HAPLN3: variants seen among roughly 807,000 people sequenced by gnomAD.
The protein encoded by HAPLN3 is extracellular link domain containing, 1.
A neutral mutation model predicts 28.1 loss-of-function variants in HAPLN3; 28 were observed. That is an observed-to-expected ratio of 1.00 (90% confidence interval 0.74 to 1.37). HAPLN3 has a LOEUF of 1.37. HAPLN3 is among the 40% of genes most tolerant of loss of function. The pLI is 0.00. For synonymous variants in HAPLN3, 211 were observed against 213.1 expected, an observed-to-expected ratio of 0.99 and a Z score of 0.09; for missense variants, 513 against 504.6, an observed-to-expected ratio of 1.02 and a Z score of -0.16.
Position 88,880,674 on chromosome 15 carries a change from C to A in HAPLN3, c.493+683G>T, listed in dbSNP as rs969534985. 1 of 1,157,386 alleles carries A rather than the reference C, an allele frequency of 8.6e-7. No individual in the cohort carries two copies. The highest frequency in any genetic ancestry group is 1.1e-6 in the Non-Finnish European group (1 of 872,884). 71.7% of individuals were successfully genotyped at this position (1,157,386 alleles called of 1,614,324 possible). ...CAGGGACCCCACATACAAGATCCGG[C>A]TTGCAGGGTGTGGCTGGTTTGGACA... On this transcript the variant is annotated intron_variant, in intron 3 of 4. Coordinates refer to ENST00000359595, the MANE Select transcript of HAPLN3 (RefSeq NM_178232.4). This position sits in a 1 kb window ranked among gnomAD's most constrained non-coding sequence, Gnocchi z 6.0.
intron 4 of HAPLN3, 109 bp from the exon 5 acceptor site, chr15:88,878,365 C>T (rs1897594886): frequency 2.0e-6 from 2 of 1,020,364 alleles, no homozygotes; most frequent in Admixed American, 4.5e-5. Flanking sequence ...CAGGGAGCTA[C>T]CATACTGCAG....
chr15:88,882,546 A>G (rs1391935749), intron 2 of HAPLN3, among the ~76,000 whole-genome samples: 1 of 152,220 alleles, frequency 6.6e-6, no homozygotes, highest in Non-Finnish European at 1.5e-5. Context: ...AAAGGAGACT[A>G]CGCTCACGGC....
At chr15:88,883,869 C>A (rs977317642) in intron 2 of HAPLN3, among the ~76,000 whole-genome samples, 2 of 151,330 alleles carry the variant, frequency 1.3e-5, no homozygotes, top group Non-Finnish European at 1.5e-5. Context: ...CTTGAGGCCA[C>A]GAGTTCGAGA....
Position 88,880,463 on chromosome 15 carries a change from C to T in HAPLN3, c.493+894G>A, listed in dbSNP as rs1596165240. The T allele has an allele frequency of 1.5e-5, 19 of 1,228,686 alleles. No individual in the cohort carries two copies. The South Asian group carries it at 2.2e-4, about 14-fold the overall frequency. The allele number at this position is 1,228,686 out of a possible 1,614,324, so 76.1% of individuals were successfully genotyped here. A position where few individuals can be genotyped will look rare whatever the true frequency, so the allele number is the denominator to read the frequency against. ...AAAGATTGTGATACCCCATTTTACA[C>T]CTGAGAGGCCCAGGGCTCTAAGGGG... is the stretch of plus-strand genomic sequence containing the variant. On this transcript the variant is annotated intron_variant, in intron 3 of 4. Transcript: ENST00000359595. The surrounding 1 kb of genome is among the most constrained non-coding windows in gnomAD (Gnocchi z 6.0).
chr15:88,892,458 A>C (rs1157027075), intron 1 of HAPLN3, among the ~76,000 whole-genome samples: 1 of 150,766 alleles, frequency 6.6e-6, no homozygotes, highest in East Asian at 1.9e-4. Flanking sequence ...CTGCATCTCA[A>C]AAAAAAAAGA....
chr15:88,886,265 C>A (rs1281067365), intron 2 of HAPLN3, among the ~76,000 whole-genome samples: 1 of 150,300 alleles, frequency 6.7e-6, no homozygotes, highest in African/African-American at 2.5e-5. Context: ...GCAGGAGAAT[C>A]GCTTGAACCT....
At chr15:88,882,492 T>G (rs1390274327) in intron 2 of HAPLN3, among the ~76,000 whole-genome samples, 1 of 152,174 alleles carries the variant, frequency 6.6e-6, no homozygotes, top group Non-Finnish European at 1.5e-5. Context: ...ACCATAACTC[T>G]TCCCAAATAC....
At position 88,879,726 on chromosome 15, in the gene HAPLN3, T is replaced by C. The variant is rs1897645376; in HGVS notation, c.494-457A>G. On this transcript the variant is annotated intron_variant, in intron 3 of 4. Transcript: ENST00000359595. The surrounding 1 kb of genome is among the most constrained non-coding windows in gnomAD (Gnocchi z 5.0). ...CAAGGAACTTTCCACGTGTGGCAGATGATTTTCAGGAGAAGGAGAGGCCCT... is the reference window on the plus strand; with the variant it reads ...CAAGGAACTTTCCACGTGTGGCAGACGATTTTCAGGAGAAGGAGAGGCCCT... The C allele has an allele frequency of 1.0e-5, 12 of 1,175,514 alleles. No individual in the cohort carries two copies. The Admixed American group carries it at 1.1e-4, about 11-fold the overall frequency. The allele number at this position is 1,175,514 out of a possible 1,614,324, so 72.8% of individuals were successfully genotyped here. A position where few individuals can be genotyped will look rare whatever the true frequency, so the allele number is the denominator to read the frequency against.
Position 88,881,117 on chromosome 15 carries a change from T to TG in HAPLN3, c.493+239dup. The TG allele has an allele frequency of 1.8e-6, 1 of 554,432 alleles. No individual in the cohort carries two copies. The highest frequency in any genetic ancestry group is 3.2e-6 in the Non-Finnish European group (1 of 316,890). The allele number at this position is 554,432 out of a possible 1,614,324, so 34.3% of individuals were successfully genotyped here. A position where few individuals can be genotyped will look rare whatever the true frequency, so the allele number is the denominator to read the frequency against. Reference sequence around the variant, plus strand: ...GAACAGATTCTAGAGGCTGGGTGCTTGGGTTCAGACCCCAGCTCTGTCGTT... The same window carrying TG: ...GAACAGATTCTAGAGGCTGGGTGCTTGGGGTTCAGACCCCAGCTCTGTCGTT... On this transcript the variant is annotated intron_variant, in intron 3 of 4. Coordinates refer to ENST00000359595, the MANE Select transcript of HAPLN3 (RefSeq NM_178232.4). This position sits in a 1 kb window ranked among gnomAD's most constrained non-coding sequence, Gnocchi z 6.0.
chr15:88,878,258 TG>T lies in HAPLN3; in HGVS notation c.797-3del. 1 of 1,608,972 alleles carries T rather than the reference TG, an allele frequency of 6.2e-7. No homozygotes were observed. Among genetic ancestry groups the T allele is most frequent in the South Asian group, 1.1e-5 (1 of 90,298 alleles). Reference sequence around the variant, plus strand: ...GGTGCTCCAGGTAGTACACCCGCCCTGGGGGAAAGGGGGCGTGAGTGCCGTA... The same window carrying T: ...GGTGCTCCAGGTAGTACACCCGCCCTGGGGAAAGGGGGCGTGAGTGCCGTA... On this transcript the variant is annotated splice_region_variant and splice_polypyrimidine_tract_variant and intron_variant, in intron 4 of 4. Transcript: ENST00000359595.
chr15:88,881,414 A>G lies in HAPLN3; in HGVS notation c.436T>C (p.Cys146Arg). The part of the protein sequence containing the change: ...LRLEDYGRYR[C>R]EVIDGLEDES... ...TCCTCCAGCCCGTCAATGACCTCAC[A>G]GCGGTAACGCCCATAGTCCTCCAGC... Residue 146 changes from cysteine to arginine, a missense_variant, in exon 3 of 5, where the codon TGT (cysteine) becomes CGT (arginine). Transcript: ENST00000359595. This position sits in a 1 kb window ranked among gnomAD's most constrained non-coding sequence, Gnocchi z 6.0. The G allele has an allele frequency of 1.2e-6, 2 of 1,613,868 alleles. No individual in the cohort carries two copies. Among genetic ancestry groups the G allele is most frequent in the Non-Finnish European group, 1.7e-6 (2 of 1,180,004 alleles).
chr15:88,892,997 A>G (rs1440833080), intron 1 of HAPLN3: 1 of 1,535,138 alleles, frequency 6.5e-7, no homozygotes, highest in Non-Finnish European at 8.7e-7. Context: ...AGTTCCCCAA[A>G]TCTTCTGGAG....
Position 88,879,499 on chromosome 15 carries a change from A to T in HAPLN3, c.494-230T>A. ...AAAACATCCATGAGTTAAGGTAATT[A>T]ATTAGTCCATTAATGTCCCCAACAA... On this transcript the variant is annotated intron_variant, in intron 3 of 4. Coordinates refer to ENST00000359595, the MANE Select transcript of HAPLN3 (RefSeq NM_178232.4). The surrounding 1 kb of genome is among the most constrained non-coding windows in gnomAD (Gnocchi z 5.0). 2 of 1,518,378 alleles carry T rather than the reference A, an allele frequency of 1.3e-6. No homozygotes were observed. Among genetic ancestry groups the T allele is most frequent in the African/African-American group, 1.4e-5 (1 of 72,840 alleles). The allele number at this position is 1,518,378 out of a possible 1,614,324, so 94.1% of individuals were successfully genotyped here.
At chr15:88,894,075 G>A (rs1898091631) in intron 1 of HAPLN3, among the ~76,000 whole-genome samples, 1 of 152,022 alleles carries the variant, frequency 6.6e-6, no homozygotes, top group Non-Finnish European at 1.5e-5. Flanking sequence ...GGGAAAATAT[G>A]ACCTGTTACT....
chr15:88,881,203 G>C lies in HAPLN3; in HGVS notation c.493+154C>G. The C allele has an allele frequency of 2.0e-6, 2 of 999,956 alleles. No homozygotes were observed. Among genetic ancestry groups the C allele is most frequent in the Non-Finnish European group, 2.9e-6 (2 of 695,856 alleles). The allele number at this position is 999,956 out of a possible 1,614,324, so 61.9% of individuals were successfully genotyped here. The stretch of plus-strand genomic sequence containing the variant: ...TCTCTGTGCCTCAGTTTTCTCACCT[G>C]TAAAATGGGGGTCACAACAGTAGCT... On this transcript the variant is annotated intron_variant, in intron 3 of 4. Coordinates refer to ENST00000359595, the MANE Select transcript of HAPLN3 (RefSeq NM_178232.4). The surrounding 1 kb of genome is among the most constrained non-coding windows in gnomAD (Gnocchi z 6.0).
chr15:88,892,229 G>A (rs957212687), intron 1 of HAPLN3, among the ~76,000 whole-genome samples: 1 of 152,074 alleles, frequency 6.6e-6, no homozygotes, highest in Non-Finnish European at 1.5e-5. Flanking sequence ...GGCCAAGGAG[G>A]GTAGATCACC....
rs1897665236 is a variant in HAPLN3, at chr15:88,880,419, C to G, written c.493+938G>C. On this transcript the variant is annotated intron_variant, in intron 3 of 4. Coordinates refer to ENST00000359595, the MANE Select transcript of HAPLN3 (RefSeq NM_178232.4). The surrounding 1 kb of genome is among the most constrained non-coding windows in gnomAD (Gnocchi z 6.0). ...GACATACATCTTATCCTCATTGCCT[C>G]TGAGGGAGGTAAAGGAGGAAAGATT... 3 of 1,182,376 alleles carry G rather than the reference C, an allele frequency of 2.5e-6. No individual in the cohort carries two copies. In the East Asian group the frequency reaches 1.9e-4, roughly 75 times the overall value. The allele number at this position is 1,182,376 out of a possible 1,614,324, so 73.2% of individuals were successfully genotyped here. A position where few individuals can be genotyped will look rare whatever the true frequency, so the allele number is the denominator to read the frequency against.
rs979326120 is a variant in HAPLN3, at chr15:88,881,594, C to T, written c.256G>A (p.Val86Ile). Reference sequence around the variant, plus strand: ...TTCTCCGACAGCTTCCACCATTTGACACGCACACGCCGCGGGGAGACCAGG... The same window carrying T: ...TTCTCCGACAGCTTCCACCATTTGATACGCACACGCCGCGGGGAGACCAGG... ...PALVSPRRVRVKWWKLSENGA... is the reference protein window; with the variant it reads ...PALVSPRRVRIKWWKLSENGA... Residue 86 changes from valine (V) to isoleucine (I), a missense_variant, in exon 3 of 5, where the codon GTC becomes ATC. Physicochemically the swap from Val to Ile is conservative, Grantham distance 29 (BLOSUM62 3). Coordinates refer to ENST00000359595, the MANE Select transcript of HAPLN3 (RefSeq NM_178232.4). The surrounding 1 kb of genome is among the most constrained non-coding windows in gnomAD (Gnocchi z 6.0). The T allele has an allele frequency of 1.2e-6, 2 of 1,614,114 alleles. No homozygotes were observed. The highest frequency in any genetic ancestry group is 8.5e-7 in the Non-Finnish European group (1 of 1,180,042).
Position 88,880,704 on chromosome 15 carries a change from T to C in HAPLN3, c.493+653A>G. 1.4e-6 allele frequency: 1 copy of C among 701,086 alleles called. No homozygotes were observed. The highest frequency in any genetic ancestry group is 2.0e-6 in the Non-Finnish European group (1 of 510,706). The allele number at this position is 701,086 out of a possible 1,614,324, so 43.4% of individuals were successfully genotyped here. On this transcript the variant is annotated intron_variant, in intron 3 of 4. Coordinates refer to ENST00000359595, the MANE Select transcript of HAPLN3 (RefSeq NM_178232.4). This position sits in a 1 kb window ranked among gnomAD's most constrained non-coding sequence, Gnocchi z 6.0. ...AGGGTGTGGCTGGTTTGGACAGCAC[T>C]GGGTTTTTGTTTTTGGTTTTGGGGG...
Sources: gnomAD v4.1 joint callset for allele counts (sites outside exome capture counted in the v4.1 genomes callset) on GRCh38, gnomAD v4.1.1 for gene constraint, Gnocchi (gnomAD v3.1) non-coding constraint, MANE v1.5 for transcripts, NCBI Gene and HGNC (gene_info 2026-07-23, HGNC 2026-07-21) for gene names.